The following MKRN2 variants were observed in gnomAD, a reference collection of about 807,000 sequenced individuals.
MKRN2 encodes makorin ring finger protein 2.
MKRN2 carries 32 observed loss-of-function variants against 45.4 expected under a neutral mutation model. The ratio of observed to expected loss-of-function variants is 0.70; its 90% confidence interval spans 0.53 to 0.95. The LOEUF is 0.95. MKRN2 is among the 40% of genes least tolerant of loss of function. The pLI, the probability that MKRN2 is intolerant of heterozygous loss-of-function variation, is 0.00. For synonymous variants in MKRN2, 206 were observed against 192.4 expected (o/e 1.07, Z -0.59); for missense variants, 526 against 536.7 (o/e 0.98, Z 0.20).
At chr3:12,572,502 C>T in intron 4 of MKRN2, 129 bp downstream of exon 4, 2 of 800,060 alleles carry the variant, frequency 2.5e-6, no homozygotes, top group East Asian at 3.1e-5. Context: ...TTGGTATTTC[C>T]ACAGGCATCC....
chr3:12,569,319 A>AT (rs5846777), intron 2 of MKRN2, among the ~76,000 whole-genome samples: 63,861 of 140,976 alleles, frequency 0.45, 14,941 homozygotes, highest in African/African-American at 0.57. Context: ...CGCCTGGCTG[A>AT]TTTTTTTTTT....
At chr3:12,577,750 AC>A (rs1386636374) in intron 6 of MKRN2, among the ~76,000 whole-genome samples, 7 of 151,790 alleles carry the variant, frequency 4.6e-5, no homozygotes, top group Admixed American at 1.3e-4. Flanking sequence ...ATCTCGGCTC[AC>A]TGCAACCTCT....
At chr3:12,568,732 T>C (rs762079627) in intron 1 of MKRN2, 143 bp from the exon 2 acceptor site, 117 of 1,076,434 alleles carry the variant, frequency 1.1e-4, no homozygotes, top group Non-Finnish European at 1.4e-4. Flanking sequence ...CAAGGAAATA[T>C]ATAGATCTCT....
intron 6 of MKRN2, 47 bp downstream of exon 6, chr3:12,576,788 T>A: frequency 7.3e-7 from 1 of 1,376,036 alleles, no homozygotes; most frequent in East Asian, 2.3e-5. Flanking sequence ...TGCCTGGCTC[T>A]GCTGTCAGCC....
rs944151334 is a variant in MKRN2 at position 12,559,461 on chromosome 3, G to A, written c.26+2285G>A. ...GTTTTTTTGTTTTTTTTAATCTCAG[G>A]TCACAAAGTTTTAGGTTTGTTTTCC... On this transcript the variant is annotated intron_variant, in intron 1 of 7. Transcript: ENST00000170447. Among the ~76,000 whole-genome samples, 7 of 152,114 alleles carry A rather than the reference G, an allele frequency of 4.6e-5. No individual in the cohort carries two copies. In the South Asian group the frequency reaches 6.2e-4, roughly 14 times the overall value.
At chr3:12,579,117 A>G (rs1401985401) in intron 6 of MKRN2, among the ~76,000 whole-genome samples, 3 of 152,096 alleles carry the variant, frequency 2.0e-5, no homozygotes, top group Admixed American at 6.6e-5. Context: ...CTGAGTACTC[A>G]CTATGGGTCA....
chr3:12,569,649 T>C (rs1482637719), intron 2 of MKRN2, among the ~76,000 whole-genome samples: 2 of 152,136 alleles, frequency 1.3e-5, no homozygotes, highest in African/African-American at 4.8e-5. Context: ...TAGGCCCACG[T>C]TGGTCTTCCC....
At chr3:12,577,489 T>G (rs561669558) in intron 6 of MKRN2, among the ~76,000 whole-genome samples, 1 of 152,342 alleles carries the variant, frequency 6.6e-6, no homozygotes, top group African/African-American at 2.4e-5. Flanking sequence ...TTTCATCTCC[T>G]TGAACATAGT....
chr3:12,557,119 C>A lies in MKRN2; in HGVS notation c.-32C>A, dbSNP rs149385056. The A allele has an allele frequency of 2.0e-6, 3 of 1,491,748 alleles. No individual in the cohort carries two copies. Among genetic ancestry groups the A allele is most frequent in the Non-Finnish European group, 2.7e-6 (3 of 1,123,076 alleles). The allele number at this position is 1,491,748 out of a possible 1,614,324, so 92.4% of individuals were successfully genotyped here. A position where few individuals can be genotyped will look rare whatever the true frequency, so the allele number is the denominator to read the frequency against. On this transcript the variant is annotated 5_prime_UTR_variant, in exon 1 of 8. Coordinates refer to ENST00000170447, the MANE Select transcript of MKRN2 (RefSeq NM_014160.5). ...AGGCGGCAGCGGCTGCGAGAGGCGG[C>A]GGCACGACGACGGTCCCTCAGCCCA... is the stretch of plus-strand genomic sequence containing the variant.
At chr3:12,560,961 A>G (rs184407232) in intron 1 of MKRN2, 1 of 152,370 alleles carries the variant, frequency 6.6e-6, no homozygotes, top group East Asian at 1.9e-4. Context: ...AGTGACTATA[A>G]GCACATGACA....
intron 2 of MKRN2, among the ~76,000 whole-genome samples, chr3:12,569,409 C>G (rs999983465): frequency 3.9e-5 from 6 of 152,086 alleles, no homozygotes; most frequent in African/African-American, 7.2e-5. Context: ...ATCCTCCCGC[C>G]TCAGCTTCCC....
intron 1 of MKRN2, among the ~76,000 whole-genome samples, chr3:12,563,481 TTC>T (rs2058051360): frequency 7.4e-6 from 1 of 135,374 alleles, no homozygotes. Context: ...TGTTGTCTAG[TTC>T]TTTTTTTTTT....
At chr3:12,581,164 T>G (rs948274460) in intron 6 of MKRN2, among the ~76,000 whole-genome samples, 1 of 152,182 alleles carries the variant, frequency 6.6e-6, no homozygotes, top group African/African-American at 2.4e-5. Flanking sequence ...GAAAACATTT[T>G]GAACTGTTTG....
At chr3:12,567,927 T>C (rs1213970036) in intron 1 of MKRN2, among the ~76,000 whole-genome samples, 1 of 152,234 alleles carries the variant, frequency 6.6e-6, no homozygotes, top group African/African-American at 2.4e-5. Flanking sequence ...GGCCAGGATC[T>C]GATATCTCAG....
intron 1 of MKRN2, among the ~76,000 whole-genome samples, chr3:12,565,111 A>T (rs147726871): frequency 6.6e-6 from 1 of 152,344 alleles, no homozygotes; most frequent in East Asian, 1.9e-4. Flanking sequence ...GTGTGGACAT[A>T]GATTTTCATT....
At chr3:12,572,445 A>T in intron 4 of MKRN2, 72 bp downstream of exon 4, 1 of 1,374,492 alleles carries the variant, frequency 7.3e-7, no homozygotes, top group Non-Finnish European at 9.7e-7. Flanking sequence ...ACGGAAGGCC[A>T]TCCATATACA....
chr3:12,583,209 A>G lies in MKRN2; in HGVS notation c.*956A>G, dbSNP rs2058199393. 1 of 152,242 alleles carries G rather than the reference A, an allele frequency of 6.6e-6. No homozygotes were observed. The highest frequency in any genetic ancestry group is 1.5e-5 in the Non-Finnish European group (1 of 68,042). The allele number at this position is 152,242 out of a possible 1,614,324, so 9.4% of individuals were successfully genotyped here. ...TGATTCTGACCCAGCAGTGGTCCTGAAGAGAGCTGATGGCAAGTCTTGTAG... is the reference window on the plus strand; with the variant it reads ...TGATTCTGACCCAGCAGTGGTCCTGGAGAGAGCTGATGGCAAGTCTTGTAG... On this transcript the variant is annotated 3_prime_UTR_variant, in exon 8 of 8. Coordinates refer to ENST00000170447, the MANE Select transcript of MKRN2 (RefSeq NM_014160.5).
intron 6 of MKRN2, among the ~76,000 whole-genome samples, chr3:12,581,298 A>AG (rs2058176826): frequency 6.6e-6 from 1 of 152,202 alleles, no homozygotes; most frequent in Non-Finnish European, 1.5e-5. Context: ...GAAAACTGGA[A>AG]GGAGACCTAT....
chr3:12,569,074 A>C, intron 2 of MKRN2, 71 bp downstream of exon 2: 1 of 1,506,212 alleles, frequency 6.6e-7, no homozygotes, highest in Non-Finnish European at 8.9e-7. Context: ...ATAAGGGGGA[A>C]ATTTTAATGT....
Sources: allele counts gnomAD v4.1 joint callset (sites outside exome capture counted in the v4.1 genomes callset), GRCh38; gene constraint gnomAD v4.1.1; transcripts MANE v1.5; gene names NCBI Gene and HGNC (gene_info 2026-07-23, HGNC 2026-07-21).